TBL1XR1: variants seen among roughly 807,000 people sequenced by gnomAD.
The protein encoded by TBL1XR1 is TBL1X/Y related 1.
Under a neutral mutation model 66.9 loss-of-function variants are expected in TBL1XR1, and 5 were observed. The ratio of observed to expected loss-of-function variants is 0.07; its 90% confidence interval spans 0.04 to 0.16. TBL1XR1 has a LOEUF of 0.16. Ranked by LOEUF, TBL1XR1 falls within the 10% of genes least tolerant of loss-of-function variation. The probability of loss-of-function intolerance (pLI) is 1.00; values close to 1 mark genes in which losing one functional copy is unlikely to be tolerated. For synonymous variants in TBL1XR1, 210 were observed against 206.0 expected (o/e 1.02, Z -0.17); for missense variants, 238 against 623.2 (o/e 0.38, Z 6.58).
intron 1 of TBL1XR1, chr3:177,126,089 A>G (rs1161345068): frequency 6.6e-6 from 1 of 152,030 alleles, no homozygotes; most frequent in Non-Finnish European, 1.5e-5. Flanking sequence ...GTATCATTCC[A>G]ATTTTAACAT....
intron 2 of TBL1XR1, among the ~76,000 whole-genome samples, chr3:177,086,170 A>G (rs1457814507): frequency 6.6e-6 from 1 of 151,386 alleles, no homozygotes; most frequent in East Asian, 1.9e-4. Flanking sequence ...AAAGTTAAAA[A>G]GAAACAGGCA....
At chr3:177,144,286 T>C (rs1247693463) in intron 1 of TBL1XR1, among the ~76,000 whole-genome samples, 1 of 151,988 alleles carries the variant, frequency 6.6e-6, no homozygotes, top group African/African-American at 2.4e-5. Flanking sequence ...GCATAAATTT[T>C]TGACTCATGG....
At chr3:177,131,305 AAGAG>A in intron 1 of TBL1XR1, 2 of 982,676 alleles carry the variant, frequency 2.0e-6, no homozygotes, top group Non-Finnish European at 2.4e-6. Context: ...AAAGACCCTT[AAGAG>A]AGAGTCCAGG....
At chr3:177,137,413 T>G (rs1212826709) in intron 1 of TBL1XR1, among the ~76,000 whole-genome samples, 2 of 152,122 alleles carry the variant, frequency 1.3e-5, no homozygotes, top group East Asian at 3.9e-4. Flanking sequence ...GATCAACTGA[T>G]TAAGCCCATG....
chr3:177,125,806 C>A (rs932556095), intron 1 of TBL1XR1, among the ~76,000 whole-genome samples: 5 of 152,068 alleles, frequency 3.3e-5, no homozygotes, highest in African/African-American at 1.2e-4. Context: ...AAAAAAATTA[C>A]CCTCCAAACT....
At chr3:177,178,829 G>C (rs78725288) in intron 1 of TBL1XR1, among the ~76,000 whole-genome samples, 1 of 151,926 alleles carries the variant, frequency 6.6e-6, no homozygotes. Context: ...TTTATAACCT[G>C]ATTATCAGTC....
intron 1 of TBL1XR1, among the ~76,000 whole-genome samples, chr3:177,184,622 T>G (rs2108982584): frequency 6.6e-6 from 1 of 152,112 alleles, no homozygotes; most frequent in East Asian, 1.9e-4. Context: ...TCCAACATGG[T>G]GAAATCCCGT....
intron 1 of TBL1XR1, among the ~76,000 whole-genome samples, chr3:177,128,871 G>A (rs894756100): frequency 1.3e-5 from 2 of 152,070 alleles, no homozygotes; most frequent in Non-Finnish European, 2.9e-5. Flanking sequence ...TGAGGCCATC[G>A]TCTTTTTCAT....
At chr3:177,040,753 G>A (rs944125548) in intron 10 of TBL1XR1, among the ~76,000 whole-genome samples, 4 of 151,950 alleles carry the variant, frequency 2.6e-5, no homozygotes, top group African/African-American at 9.7e-5. Context: ...AAAGAACAAA[G>A]AAGCGAATTG....
At chr3:177,040,525 T>C (rs994358503) in intron 10 of TBL1XR1, among the ~76,000 whole-genome samples, 5 of 152,104 alleles carry the variant, frequency 3.3e-5, no homozygotes, top group South Asian at 2.1e-4. Flanking sequence ...CCAAGAGATA[T>C]GTCATGCGTA....
rs549945692 is a variant in TBL1XR1 at position 177,030,051 on chromosome 3, C to T, written c.1416+2920G>A. Among the ~76,000 whole-genome samples, 32 of 151,504 alleles carry T rather than the reference C, an allele frequency of 2.1e-4. No individual in the cohort carries two copies. In the South Asian group the frequency reaches 3.3e-3, roughly 16 times the overall value. On this transcript the variant is annotated intron_variant, in intron 14 of 15. Coordinates refer to ENST00000457928, the MANE Select transcript of TBL1XR1 (RefSeq NM_024665.7). The stretch of plus-strand genomic sequence containing the variant: ...GTTAGGCACAAGCACGTAAATATAC[C>T]GTATGGGCCATGACTTCCACTTACA...
intron 10 of TBL1XR1, among the ~76,000 whole-genome samples, chr3:177,038,654 A>G (rs528716097): frequency 7.0e-4 from 106 of 152,356 alleles, no homozygotes; most frequent in Non-Finnish European, 1.3e-3. Flanking sequence ...GACAGACCCT[A>G]AGAGAAAGTA....
At chr3:177,103,727 C>A (rs1724519079) in intron 1 of TBL1XR1, among the ~76,000 whole-genome samples, 1 of 152,134 alleles carries the variant, frequency 6.6e-6, no homozygotes. Flanking sequence ...AAGGTAGCAA[C>A]ACACTCTAAT....
intron 1 of TBL1XR1, among the ~76,000 whole-genome samples, chr3:177,113,236 C>A (rs1405672954): frequency 2.6e-5 from 4 of 152,066 alleles, no homozygotes; most frequent in African/African-American, 4.8e-5. Context: ...GGATTAAAGA[C>A]TTAAGCATAA....
At chr3:177,154,153 A>C (rs1731222976) in intron 1 of TBL1XR1, among the ~76,000 whole-genome samples, 1 of 152,118 alleles carries the variant, frequency 6.6e-6, no homozygotes, top group African/African-American at 2.4e-5. Flanking sequence ...AAAGAATCCC[A>C]TGTTAACTAT....
intron 14 of TBL1XR1, among the ~76,000 whole-genome samples, chr3:177,030,608 A>G (rs1162562374): frequency 6.6e-6 from 1 of 152,230 alleles, no homozygotes; most frequent in East Asian, 1.9e-4. Context: ...AAAAATAGGA[A>G]GGAAGAGATT....
chr3:177,129,418 C>T (rs947003292), intron 1 of TBL1XR1, among the ~76,000 whole-genome samples: 1 of 152,168 alleles, frequency 6.6e-6, no homozygotes, highest in Non-Finnish European at 1.5e-5. Context: ...ATTAAGATTT[C>T]ACTGAGAACT....
At chr3:177,180,951 T>C (rs576582553) in intron 1 of TBL1XR1, among the ~76,000 whole-genome samples, 1 of 152,054 alleles carries the variant, frequency 6.6e-6, no homozygotes, top group Non-Finnish European at 1.5e-5. Context: ...CAGGCTGGTC[T>C]TGAACTCCTG....
At chr3:177,165,665 G>T (rs1017115232) in intron 1 of TBL1XR1, among the ~76,000 whole-genome samples, 1 of 152,150 alleles carries the variant, frequency 6.6e-6, no homozygotes, top group Non-Finnish European at 1.5e-5. Context: ...ATAGAAAACT[G>T]ATCTCTGACA....
Sources: allele counts gnomAD v4.1 joint callset (sites outside exome capture counted in the v4.1 genomes callset), GRCh38; gene constraint gnomAD v4.1.1; transcripts MANE v1.5; gene names NCBI Gene and HGNC (gene_info 2026-07-23, HGNC 2026-07-21).